Variants in CARMIL2 observed in about 807,000 individuals in gnomAD.
CARMIL2 encodes the protein capping protein regulator and myosin 1 linker 2.
CARMIL2 carries 96 observed loss-of-function variants against 173.3 expected under a neutral mutation model. The ratio of observed to expected loss-of-function variants is 0.55; its 90% CI spans 0.47 to 0.66. The LOEUF is 0.66. CARMIL2 is among the 30% of genes least tolerant of loss of function. The pLI is 0.00. For missense variants in CARMIL2, 1,771 were observed against 1,906.7 expected, an observed-to-expected ratio of 0.93 and a Z score of 1.33; for synonymous variants, 830 against 817.1, an observed-to-expected ratio of 1.02 and a Z score of -0.27.
In CARMIL2 at chr16:67,652,405, G is replaced by GTTTC. The variant is rs1437751470; in HGVS notation, c.2817+66_2818-66insTTTC. 2 of 1,611,678 alleles carry GTTTC rather than the reference G, an allele frequency of 1.2e-6. No homozygotes were observed. The highest frequency in any genetic ancestry group is 4.5e-5 in the East Asian group (2 of 44,840). Reference sequence around the variant, plus strand: ...TCCCATCTTGCTGTGGAGTGTGGAAGGTGAAAGGCAGCTCTTTTGGGTTGG... The same window carrying GTTTC: ...TCCCATCTTGCTGTGGAGTGTGGAAGTTTCGTGAAAGGCAGCTCTTTTGGGTTGG... On this transcript the variant is annotated intron_variant, in intron 27 of 37. Coordinates refer to ENST00000334583, the MANE Select transcript of CARMIL2 (RefSeq NM_001013838.3). The surrounding 1 kb of genome is among the most constrained non-coding windows in gnomAD (Gnocchi z 4.7).
At chr16:67,654,946 G>T (rs2052813519) in intron 32 of CARMIL2, 46 bp downstream of exon 32, 1 of 1,607,954 alleles carries the variant, frequency 6.2e-7, no homozygotes, top group Middle Eastern at 1.7e-4. Context: ...CAGATGGCAT[G>T]CTGTGGGTGA....
rs773455738 is a variant in CARMIL2 at position 67,651,826 on chromosome 16, G to A, written c.2569G>A (p.Asp857Asn). The change falls in exon 25 of 38, where the codon GAT becomes AAT. Residue 857 changes from aspartate (D) to asparagine (N), a missense_variant. Asp to Asn is a conservative substitution (Grantham distance 23). Transcript: ENST00000334583. The surrounding 1 kb of genome is among the most constrained non-coding windows in gnomAD (Gnocchi z 4.2). ...GCTGCTCCCAGAGCAGCTGCTGCAA[G>A]ATGCCTTCACTAGGCTCAGGTAGGC... ...PELLPEQLLQ[D>N]AFTRLRDMRL... 1.2e-6 allele frequency: 2 copies of A among 1,612,228 alleles called. No homozygotes were observed. The highest frequency in any genetic ancestry group is 1.7e-6 in the Non-Finnish European group (2 of 1,179,602).
chr16:67,654,976 G>A (rs1467895493), intron 32 of CARMIL2, 76 bp downstream of exon 32: 2 of 1,561,570 alleles, frequency 1.3e-6, no homozygotes, highest in African/African-American at 2.7e-5. Flanking sequence ...CCAAGATGGA[G>A]GAGACTCATG....
At position 67,654,086 on chromosome 16, in the gene CARMIL2, G is replaced by C. The variant is rs929221548; in HGVS notation, c.3121-63G>C. 1,189 of 1,088,784 alleles carry C rather than the reference G, an allele frequency of 1.1e-3. 27 individuals carry two copies. The highest frequency in any genetic ancestry group is 3.0e-4 in the Middle Eastern group (1 of 3,284). 67.4% of individuals were successfully genotyped at this position (1,088,784 alleles called of 1,614,324 possible). ...TTCAGTCCAGGCTGCCGGCCGGGGG[G>C]GGGGGGGGGTAGAAGCCAGAGTTGC... On this transcript the variant is annotated intron_variant, in intron 29 of 37. Transcript: ENST00000334583.
rs1178379878 is a variant in CARMIL2 at position 67,647,413 on chromosome 16, A to G, written c.776+26A>G. On this transcript the variant is annotated intron_variant, in intron 10 of 37. Transcript: ENST00000334583. ...GTGAGGGGGACAGGGCAGGGCTTGG[A>G]GAGGAGAGTCTGGAGGCTTGGGACT... 16 of 1,564,324 alleles carry G rather than the reference A, an allele frequency of 1.0e-5. No individual in the cohort carries two copies. In the East Asian group the frequency reaches 3.8e-4, roughly 37 times the overall value.
In CARMIL2 at chr16:67,652,447, G is replaced by A. The variant is rs1597754776; in HGVS notation, c.2818-25G>A. ...TTGGGTTGGTGCTCTCCTACCCCAGGCTGAGTTTGTGCCCTCCCCACCAGG... is the reference window on the plus strand; with the variant it reads ...TTGGGTTGGTGCTCTCCTACCCCAGACTGAGTTTGTGCCCTCCCCACCAGG... On this transcript the variant is annotated intron_variant, in intron 27 of 37. Transcript: ENST00000334583. This position sits in a 1 kb window ranked among gnomAD's most constrained non-coding sequence, Gnocchi z 4.7. 8 of 1,613,048 alleles carry A rather than the reference G, an allele frequency of 5.0e-6. No individual in the cohort carries two copies. The highest frequency in any genetic ancestry group is 1.3e-5 in the African/African-American group (1 of 75,018).
At chr16:67,650,332 T>G (rs1296789555) in intron 22 of CARMIL2, 182 bp downstream of exon 22, 2 of 599,718 alleles carry the variant, frequency 3.3e-6, no homozygotes, top group East Asian at 5.5e-5. Flanking sequence ...GCTCTCCAAA[T>G]AACACCCTTG....
chr16:67,647,173 C>T lies in CARMIL2; in HGVS notation c.669C>T (p.Ser223=), dbSNP rs757882429. ...LSYNLWFRCL[S]CVDMKLSLEV... is the part of the protein sequence containing the mutation. ...ACAACCTGTGGTTCCGGTGCCTCTC[C>T]TGTGTGGACATGAAGCTGGTGAGGG... The change falls in exon 9 of 38, where the codon TCC becomes TCT. Residue 223 remains serine (S), a synonymous_variant. Transcript: ENST00000334583. The T allele has an allele frequency of 1.2e-6, 2 of 1,613,852 alleles. No homozygotes were observed. Among genetic ancestry groups the T allele is most frequent in the East Asian group, 2.2e-5 (1 of 44,862 alleles).
At position 67,648,642 on chromosome 16, in the gene CARMIL2, C is replaced by G. The variant is rs1404914664; in HGVS notation, c.1440-43C>G. ...CCTCCTTCGTTCGCACCCTGGAGCC[C>G]CCTGTCCCAGCTCCCGCCACCCCGT... On this transcript the variant is annotated intron_variant, in intron 15 of 37. Transcript: ENST00000334583. The surrounding 1 kb of genome is among the most constrained non-coding windows in gnomAD (Gnocchi z 6.1). 1.1e-5 allele frequency: 17 copies of G among 1,568,994 alleles called. No individual in the cohort carries two copies. The highest frequency in any genetic ancestry group is 1.4e-5 in the Non-Finnish European group (16 of 1,154,384).
In CARMIL2 at chr16:67,646,592, G is replaced by C. The variant is rs749715384; in HGVS notation, c.466+75G>C. 1.7e-5 allele frequency: 27 copies of C among 1,577,102 alleles called. No individual in the cohort carries two copies. The Admixed American group carries it at 4.4e-4, about 26-fold the overall frequency. ...CTCCCCAGACCCGCAAGCTGGGGGG[G>C]CCCCAAACTGAACAGAGCCATTCAG... On this transcript the variant is annotated intron_variant, in intron 6 of 37. Coordinates refer to ENST00000334583, the MANE Select transcript of CARMIL2 (RefSeq NM_001013838.3). This position sits in a 1 kb window ranked among gnomAD's most constrained non-coding sequence, Gnocchi z 4.6.
At chr16:67,655,662 T>C (rs2052831278) in intron 32 of CARMIL2, among the ~76,000 whole-genome samples, 1 of 152,078 alleles carries the variant, frequency 6.6e-6, no homozygotes, top group African/African-American at 2.4e-5. Flanking sequence ...TTCCAGTCTC[T>C]AATTGTGGGT....
chr16:67,651,364 T>G lies in CARMIL2; in HGVS notation c.2314-37T>G, dbSNP rs778878270. On this transcript the variant is annotated intron_variant, in intron 23 of 37. Coordinates refer to ENST00000334583, the MANE Select transcript of CARMIL2 (RefSeq NM_001013838.3). The surrounding 1 kb of genome is among the most constrained non-coding windows in gnomAD (Gnocchi z 4.2). ...AAGGACCCTTCCCCTCTTAGTCAGGTGTCAGCTCGCAACTGCTTTTCCTCT... is the reference window on the plus strand; with the variant it reads ...AAGGACCCTTCCCCTCTTAGTCAGGGGTCAGCTCGCAACTGCTTTTCCTCT... The G allele has an allele frequency of 2.9e-5, 47 of 1,604,084 alleles. No homozygotes were observed. Among genetic ancestry groups the G allele is most frequent in the Non-Finnish European group, 3.4e-5 (40 of 1,172,776 alleles).
Position 67,649,674 on chromosome 16 carries a change from G to T in CARMIL2, c.1919+55G>T. Reference sequence around the variant, plus strand: ...GGGCAGGGGGCGCGGTGGAGAGGAGGGCACCGGGCTAAGGGGAGGGACTGA... The same window carrying T: ...GGGCAGGGGGCGCGGTGGAGAGGAGTGCACCGGGCTAAGGGGAGGGACTGA... On this transcript the variant is annotated intron_variant, in intron 20 of 37. Coordinates refer to ENST00000334583, the MANE Select transcript of CARMIL2 (RefSeq NM_001013838.3). The surrounding 1 kb of genome is among the most constrained non-coding windows in gnomAD (Gnocchi z 6.7). 1 of 1,557,616 alleles carries T rather than the reference G, an allele frequency of 6.4e-7. No individual in the cohort carries two copies. The highest frequency in any genetic ancestry group is 1.2e-5 in the South Asian group (1 of 84,916).
At position 67,648,934 on chromosome 16, in the gene CARMIL2, C is replaced by T; in HGVS notation, c.1551C>T (p.Cys517=). Residue 517 remains cysteine, a synonymous_variant, in exon 17 of 38, where the codon TGC becomes TGT. Coordinates refer to ENST00000334583, the MANE Select transcript of CARMIL2 (RefSeq NM_001013838.3). The surrounding 1 kb of genome is among the most constrained non-coding windows in gnomAD (Gnocchi z 6.1). ...CCCAGGTGATACAAGACTTAGTGTGCGACGCAGGCGCTGTGAGCTCCCTGG... is the reference window on the plus strand; with the variant it reads ...CCCAGGTGATACAAGACTTAGTGTGTGACGCAGGCGCTGTGAGCTCCCTGG... ...AGAQVIQDLV[C]DAGAVSSLDL... is the part of the protein sequence containing the mutation. The T allele has an allele frequency of 6.2e-7, 1 of 1,609,112 alleles. No individual in the cohort carries two copies. Among genetic ancestry groups the T allele is most frequent in the South Asian group, 1.1e-5 (1 of 90,146 alleles).
chr16:67,648,103 G>T lies in CARMIL2; in HGVS notation c.1123G>T (p.Ala375Ser). Residue 375 changes from alanine to serine, a missense_variant, in exon 14 of 38, where the codon GCA (alanine) becomes TCA (serine). By Grantham distance (99) the Ala-to-Ser change is moderately conservative. Coordinates refer to ENST00000334583, the MANE Select transcript of CARMIL2 (RefSeq NM_001013838.3). This position sits in a 1 kb window ranked among gnomAD's most constrained non-coding sequence, Gnocchi z 6.1. ...TAACGTACTGTCGTTCCTGAATCTC[G>T]CAGGCACCGACACTGCCCTGGACAC... ...RPNVLSFLNL[A>S]GTDTALDTVR... The T allele has an allele frequency of 1.2e-6, 2 of 1,612,424 alleles. No homozygotes were observed. Among genetic ancestry groups the T allele is most frequent in the Non-Finnish European group, 1.7e-6 (2 of 1,179,318 alleles).
rs766442954 is a variant in CARMIL2 at position 67,647,897 on chromosome 16, C to T, written c.1010C>T (p.Thr337Ile). 53 of 1,611,596 alleles carry T rather than the reference C, an allele frequency of 3.3e-5. No homozygotes were observed. The highest frequency in any genetic ancestry group is 3.9e-5 in the Non-Finnish European group (46 of 1,179,006). ...ALATNAAFDS[T>I]LTHLDLSGNP... Reference sequence around the variant, plus strand: ...GCCACCAATGCCGCCTTCGACTCCACCCTGACCCACCTGGACCTTTCTGGG... The same window carrying T: ...GCCACCAATGCCGCCTTCGACTCCATCCTGACCCACCTGGACCTTTCTGGG... The change falls in exon 13 of 38, where the codon ACC becomes ATC. Residue 337 changes from threonine (T) to isoleucine (I), a missense_variant. This residue lies in a region of CARMIL2 where 944 missense variants were observed against 975.6 expected (regional missense o/e 0.97). Transcript: ENST00000334583.
rs751084759 is a variant in CARMIL2, at chr16:67,657,192, GACCCCAAGCCTTAGCAACCC to G, written c.4118-34_4118-15del. 2.6e-6 allele frequency: 4 copies of G among 1,554,572 alleles called. No homozygotes were observed. Among genetic ancestry groups the G allele is most frequent in the Admixed American group, 1.7e-5 (1 of 58,104 alleles). On this transcript the variant is annotated intron_variant, in intron 36 of 37. Transcript: ENST00000334583. This position sits in a 1 kb window ranked among gnomAD's most constrained non-coding sequence, Gnocchi z 4.5. ...GGAAGAGAGGGGCAGGGGATGGACA[GACCCCAAGCCTTAGCAACCC>G]ACCCCAAGCCTTTCTGTGTCCCTTA...
chr16:67,651,584 G>C lies in CARMIL2; in HGVS notation c.2427+70G>C. The C allele has an allele frequency of 6.4e-7, 1 of 1,564,796 alleles. No homozygotes were observed. Among genetic ancestry groups the C allele is most frequent in the South Asian group, 1.2e-5 (1 of 85,554 alleles). On this transcript the variant is annotated intron_variant, in intron 24 of 37. Coordinates refer to ENST00000334583, the MANE Select transcript of CARMIL2 (RefSeq NM_001013838.3). The surrounding 1 kb of genome is among the most constrained non-coding windows in gnomAD (Gnocchi z 4.2). ...TGACTCCCATCCTTTAGTTTTAACT[G>C]TGATATCCCCTGACTCAATATTCTG...
chr16:67,645,733 C>T lies in CARMIL2; in HGVS notation c.142C>T (p.Arg48Ter), dbSNP rs758504087. The change falls in exon 3 of 38, where the codon CGA becomes TGA. Residue 48 changes from arginine (R) to a stop codon, truncating the protein, a stop_gained. Transcript: ENST00000334583. LOFTEE classifies it high-confidence loss of function. Reference sequence around the variant, plus strand: ...GACTGTCTTTCCCCAGGCACTGCTACGATGGAGAGCCTACCTGCTGCACAC... The same window carrying T: ...GACTGTCTTTCCCCAGGCACTGCTATGATGGAGAGCCTACCTGCTGCACAC... ...AVQNHVLALL[R>*]WRAYLLHTTC... is the part of the protein sequence containing the mutation. The T allele has an allele frequency of 1.9e-6, 3 of 1,613,318 alleles. No homozygotes were observed. The highest frequency in any genetic ancestry group is 1.1e-5 in the South Asian group (1 of 91,092).
Sources: gnomAD v4.1 joint callset for allele counts (sites outside exome capture counted in the v4.1 genomes callset) on GRCh38, gnomAD v4.1.1 for gene constraint, gnomAD v4.1.1 regional missense constraint, Gnocchi (gnomAD v3.1) non-coding constraint, MANE v1.5 for transcripts, NCBI Gene and HGNC (gene_info 2026-07-23, HGNC 2026-07-21) for gene names.